The following SASH1 variants were observed in gnomAD, a reference collection of about 807,000 sequenced individuals.
The protein encoded by SASH1 is SAM and SH3 domain-containing protein 1.
Under a neutral mutation model 125.2 loss-of-function variants are expected in SASH1, and 44 were observed. The observed-to-expected ratio is 0.35, with a 90% CI of 0.28 to 0.45. The LOEUF is 0.45. SASH1 is among the 20% of genes least tolerant of loss of function. SASH1 has a pLI of 1.00. For missense variants in SASH1, 1,426 were observed against 1,614.5 expected, an observed-to-expected ratio of 0.88 and a Z score of 2.00; for synonymous variants, 639 against 649.1, an observed-to-expected ratio of 0.98 and a Z score of 0.24.
Position 148,549,652 on chromosome 6 carries a change from T to C in SASH1, c.*1094T>C, listed in dbSNP as rs981712933. The C allele has an allele frequency of 7.8e-5, 31 of 398,920 alleles. No homozygotes were observed. The highest frequency in any genetic ancestry group is 6.2e-4 in the Admixed American group (14 of 22,718). 24.7% of individuals were successfully genotyped at this position (398,920 alleles called of 1,614,324 possible). A position where few individuals can be genotyped will look rare whatever the true frequency, so the allele number is the denominator to read the frequency against. ...GTATAAGATGTTTTCTAAAAGACTTTTCAGTATTACAACTAATACTATTAT... is the reference window on the plus strand; with the variant it reads ...GTATAAGATGTTTTCTAAAAGACTTCTCAGTATTACAACTAATACTATTAT... On this transcript the variant is annotated 3_prime_UTR_variant, in exon 20 of 20. Coordinates refer to ENST00000367467, the MANE Select transcript of SASH1 (RefSeq NM_015278.5).
At chr6:148,250,675 G>A in the SASH1 span, among the ~76,000 whole-genome samples, 1 of 151,650 alleles carries the variant, frequency 6.6e-6, no homozygotes, top group Non-Finnish European at 1.5e-5. Context: ...TAATTACTTT[G>A]ACATGCATTA....
chr6:148,461,172 C>T (rs947420921), intron 4 of SASH1, among the ~76,000 whole-genome samples: 2 of 152,182 alleles, frequency 1.3e-5, no homozygotes, highest in African/African-American at 4.8e-5. Flanking sequence ...GAAAGACAGT[C>T]AAGGCTTAGA....
At chr6:148,523,621 C>T (rs1269744983) in intron 10 of SASH1, among the ~76,000 whole-genome samples, 1 of 152,158 alleles carries the variant, frequency 6.6e-6, no homozygotes, top group Non-Finnish European at 1.5e-5. Flanking sequence ...TCAGTTGTCA[C>T]GAAATGCTTT....
At chr6:148,506,802 A>T (rs1779826619) in intron 8 of SASH1, among the ~76,000 whole-genome samples, 1 of 152,178 alleles carries the variant, frequency 6.6e-6, no homozygotes, top group South Asian at 2.1e-4. Flanking sequence ...GTTTTAAGGA[A>T]CTGTGAGCAT....
At chr6:148,434,580 T>G (rs2473553) in intron 2 of SASH1, among the ~76,000 whole-genome samples, 135,071 of 152,108 alleles carry the variant, frequency 0.89, 60,163 homozygotes, top group African/African-American at 0.94. Context: ...TAACTTGGGA[T>G]GGTTTCTTTA....
the SASH1 span, among the ~76,000 whole-genome samples, chr6:148,199,993 C>T: frequency 2.0e-5 from 3 of 152,002 alleles, no homozygotes; most frequent in Non-Finnish European, 2.9e-5. Flanking sequence ...TGAGAAAACC[C>T]GGAATAGTAG....
At chr6:148,235,883 C>T in the SASH1 span, among the ~76,000 whole-genome samples, 38 of 152,272 alleles carry the variant, frequency 2.5e-4, 1 homozygote, top group Admixed American at 2.0e-3. Context: ...CAAACCTTAT[C>T]GTGTCTCTCA....
chr6:148,522,352 T>A (rs1147856), intron 10 of SASH1, among the ~76,000 whole-genome samples: 126,963 of 152,158 alleles, frequency 0.83, 53,344 homozygotes, highest in African/African-American at 0.92. Context: ...AGAACTTTTT[T>A]AAAAAGGGAT....
At position 148,519,182 on chromosome 6, in the gene SASH1, G is replaced by A. The variant is rs1395016997; in HGVS notation, c.863-365G>A. Among the ~76,000 whole-genome samples, 1 of 152,192 alleles carries A rather than the reference G, an allele frequency of 6.6e-6. No individual in the cohort carries two copies. The highest frequency in any genetic ancestry group is 1.9e-4 in the East Asian group (1 of 5,192). ...AGGAGTGCCTTTCAGAAGGGGGAAA[G>A]ATCCTGATTCCTAGTTTCAGAGGGT... On this transcript the variant is annotated intron_variant, in intron 9 of 19. Coordinates refer to ENST00000367467, the MANE Select transcript of SASH1 (RefSeq NM_015278.5). This position sits in a 1 kb window ranked among gnomAD's most constrained non-coding sequence, Gnocchi z 4.8.
At chr6:148,314,769 C>CTTTTTT (rs34187478) in intron 1 of SASH1, among the ~76,000 whole-genome samples, 1 of 132,764 alleles carries the variant, frequency 7.5e-6, no homozygotes, top group Admixed American at 7.6e-5. Flanking sequence ...GTATAAATGA[C>CTTTTTT]TTTTTTTTTT....
At chr6:148,387,616 C>G (rs1364996551) in intron 1 of SASH1, among the ~76,000 whole-genome samples, 1 of 21,034 alleles carries the variant, frequency 4.8e-5, no homozygotes, top group Non-Finnish European at 9.7e-5. Context: ...TTCTTTCTTT[C>G]TTTCTTTCTT....
intron 7 of SASH1, chr6:148,480,023 C>G (rs1202177198): frequency 6.6e-6 from 1 of 152,362 alleles, no homozygotes; most frequent in African/African-American, 2.4e-5. Context: ...GAAAACTGTC[C>G]GTGGAGAGGA....
intron 1 of SASH1, among the ~76,000 whole-genome samples, chr6:148,387,372 A>G (rs1412637227): frequency 6.6e-6 from 1 of 151,520 alleles, no homozygotes; most frequent in Non-Finnish European, 1.5e-5. Context: ...CCTGCCTCCC[A>G]AAGTGCTGGG....
intron 2 of SASH1, among the ~76,000 whole-genome samples, chr6:148,422,713 G>A (rs1775623751): frequency 6.6e-6 from 1 of 152,038 alleles, no homozygotes; most frequent in Non-Finnish European, 1.5e-5. Context: ...CAGAAGGGAG[G>A]AAAATCACTA....
rs763340534 is a variant in SASH1 at position 148,540,536 on chromosome 6, G to A, written c.2189G>A (p.Ser730Asn). 2.5e-6 allele frequency: 4 copies of A among 1,613,878 alleles called. No individual in the cohort carries two copies. Among genetic ancestry groups the A allele is most frequent in the Admixed American group, 3.3e-5 (2 of 60,012 alleles). The change falls in exon 17 of 20, where the codon AGC becomes AAC. Residue 730 changes from serine (S) to asparagine (N), a missense_variant. Coordinates refer to ENST00000367467, the MANE Select transcript of SASH1 (RefSeq NM_015278.5). ...CSPRDSGCYESSENLENGKTR... is the reference protein window; with the variant it reads ...CSPRDSGCYENSENLENGKTR... ...CCCCGAGACTCAGGATGCTACGAAA[G>A]CAGTGAGAACCTGGAAAACGGTAAT...
At chr6:148,500,128 G>T (rs1779501349) in intron 8 of SASH1, among the ~76,000 whole-genome samples, 1 of 151,802 alleles carries the variant, frequency 6.6e-6, no homozygotes, top group African/African-American at 2.4e-5. Context: ...TCATGTCCTT[G>T]GTCCTGTTTG....
chr6:148,499,376 A>C (rs9390576), intron 8 of SASH1, among the ~76,000 whole-genome samples: 1 of 152,036 alleles, frequency 6.6e-6, no homozygotes, highest in African/African-American at 2.4e-5. Context: ...AAGGATGCAA[A>C]TCTCTTCTTA....
At chr6:148,354,358 A>G (rs945251586) in intron 1 of SASH1, among the ~76,000 whole-genome samples, 2 of 152,316 alleles carry the variant, frequency 1.3e-5, no homozygotes, top group Admixed American at 6.5e-5. Context: ...GAGCTTTTGA[A>G]TAGTTTACTT....
intron 1 of SASH1, among the ~76,000 whole-genome samples, chr6:148,378,669 T>TA (rs1258486825): frequency 6.6e-6 from 1 of 152,186 alleles, no homozygotes; most frequent in Non-Finnish European, 1.5e-5. Flanking sequence ...CTTTCTCATG[T>TA]AGGCCACCCT....
Sources: gnomAD v4.1 joint callset for allele counts (sites outside exome capture counted in the v4.1 genomes callset) on GRCh38, gnomAD v4.1.1 for gene constraint, Gnocchi (gnomAD v3.1) non-coding constraint, MANE v1.5 for transcripts, NCBI Gene and HGNC (gene_info 2026-07-23, HGNC 2026-07-21) for gene names.